Variants in ZNF600 observed in about 807,000 individuals in gnomAD.
The protein encoded by ZNF600 is zinc finger protein KR-ZNF1.
In ZNF600, 4 loss-of-function variants were observed where a neutral mutation model predicts 7.3. That is an observed-to-expected ratio of 0.55 (90% CI 0.27 to 1.25). The LOEUF (loss-of-function observed/expected upper bound fraction) is 1.25. Among genes scored for constraint, ZNF600 ranks in the 50% most tolerant of loss-of-function variants. The probability of loss-of-function intolerance (pLI) is 0.12; values close to 1 mark genes in which losing one functional copy is unlikely to be tolerated. For missense variants in ZNF600, 911 were observed against 922.1 expected (o/e 0.99, Z 0.16); for synonymous variants, 290 against 308.9 (o/e 0.94, Z 0.64).
the ZNF600 span, chr19:52,810,496 A>G: frequency 4.5e-5 from 71 of 1,586,006 alleles, 1 homozygote; most frequent in South Asian, 7.4e-4. Context: ...ATGAGTCCCT[A>G]TTTAGAGGAA....
intron 3 of ZNF600, among the ~76,000 whole-genome samples, chr19:52,771,406 C>T (rs1285807846): frequency 6.6e-6 from 1 of 151,866 alleles, no homozygotes; most frequent in Non-Finnish European, 1.5e-5. Context: ...CACGACTCTC[C>T]TACCTAAAGA....
chr19:52,799,166 G>A, the ZNF600 span: 1 of 409,098 alleles, frequency 2.4e-6, no homozygotes, highest in Non-Finnish European at 4.7e-6. Context: ...TAAAAACTAT[G>A]CCACATTCAT....
the ZNF600 span, chr19:52,810,216 G>T: frequency 1.8e-6 from 2 of 1,106,244 alleles, no homozygotes; most frequent in Admixed American, 3.4e-5. Context: ...GCTACAGAAC[G>T]ACGTAGAGAA....
At chr19:52,794,856 A>G in the ZNF600 span, among the ~76,000 whole-genome samples, 3 of 152,298 alleles carry the variant, frequency 2.0e-5, no homozygotes, top group African/African-American at 7.2e-5. Context: ...TCTTGTCTCA[A>G]AAAAGGAAGA....
chr19:52,767,282 T>A lies in ZNF600; in HGVS notation c.681A>T (p.Arg227Ser), dbSNP rs572975399. 5.6e-6 allele frequency: 9 copies of A among 1,614,218 alleles called. No individual in the cohort carries two copies. The South Asian group carries it at 9.9e-5, about 18-fold the overall frequency. ...TCTCATTACATTGGAAAGATTTTTC[T>A]CTCATGTATACTTCCTGTTTTTGTG... is the stretch of plus-strand genomic sequence containing the variant. Residue 227 changes from arginine to serine, a missense_variant, in exon 4 of 4, where the codon AGA (arginine) becomes AGT (serine). By Grantham distance (110) the Arg-to-Ser change is moderately radical. Coordinates refer to ENST00000648973, the Ensembl canonical transcript of ZNF600.
At chr19:52,802,387 C>CA in the ZNF600 span, among the ~76,000 whole-genome samples, 134,010 of 152,014 alleles carry the variant, frequency 0.88, 59,292 homozygotes, top group East Asian at 0.91. Context: ...AAAAAACAAA[C>CA]AACAAAAAAA....
the ZNF600 span, among the ~76,000 whole-genome samples, chr19:52,812,495 C>A: frequency 7.3e-5 from 9 of 123,490 alleles, no homozygotes; most frequent in Non-Finnish European, 1.5e-4. Flanking sequence ...GAAACATGTG[C>A]TGTGTCCACT....
rs982330178 is a variant in ZNF600, at chr19:52,767,815, T to C, written c.191-43A>G. 7 of 1,519,990 alleles carry C rather than the reference T, an allele frequency of 4.6e-6. No individual in the cohort carries two copies. The African/African-American group carries it at 9.8e-5, about 21-fold the overall frequency. The allele number at this position is 1,519,990 out of a possible 1,614,324, so 94.2% of individuals were successfully genotyped here. A position where few individuals can be genotyped will look rare whatever the true frequency, so the allele number is the denominator to read the frequency against. ...CAATAGGTTTCCAATTAAGTACAGA[T>C]GGTAAATCATACTGAAGTGTGTAAA... On this transcript the variant is annotated intron_variant, in intron 3 of 3. Coordinates refer to ENST00000648973, the Ensembl canonical transcript of ZNF600.
chr19:52,820,262 C>T, the ZNF600 span, among the ~76,000 whole-genome samples: 1 of 137,942 alleles, frequency 7.2e-6, no homozygotes, highest in Non-Finnish European at 1.5e-5. Flanking sequence ...GGACTACAGG[C>T]GCCCGCCACC....
intron 2 of ZNF600, among the ~76,000 whole-genome samples, chr19:52,776,366 G>A (rs1317023967): frequency 1.3e-5 from 2 of 151,910 alleles, no homozygotes; most frequent in Non-Finnish European, 2.9e-5. Flanking sequence ...CTACAAGGTC[G>A]CTGAATGGAC....
chr19:52,791,799 C>A (rs530556403), upstream of ZNF600, among the ~76,000 whole-genome samples: 1 of 152,346 alleles, frequency 6.6e-6, no homozygotes, highest in African/African-American at 2.4e-5. Context: ...GAGCCTCCCC[C>A]ACGAGGCAGC....
rs1396038065 is a variant in ZNF600, at chr19:52,766,224, G to C, written c.1739C>G (p.Ser580Ter). Reference sequence around the variant, plus strand: ...AACTCTGCGATGGCTTGCAAGGTATGACCTCAGACGGAAGGTCTTGCTGCA... The same window carrying C: ...AACTCTGCGATGGCTTGCAAGGTATCACCTCAGACGGAAGGTCTTGCTGCA... Residue 580 changes from serine to a stop codon, truncating the protein, a stop_gained, in exon 4 of 4, where the codon TCA (serine) becomes TGA (stop). Transcript: ENST00000648973. LOFTEE classifies it low-confidence loss of function (END_TRUNC). The C allele has an allele frequency of 6.2e-7, 1 of 1,613,688 alleles. No individual in the cohort carries two copies. The highest frequency in any genetic ancestry group is 1.3e-5 in the African/African-American group (1 of 75,034).
At chr19:52,787,055 C>T (rs943929366), upstream of ZNF600, among the ~76,000 whole-genome samples, 9 of 152,282 alleles carry the variant, frequency 5.9e-5, no homozygotes, top group Non-Finnish European at 1.3e-4. Flanking sequence ...CAGGGCGGAA[C>T]ATACGATTTC....
chr19:52,806,130 T>C, the ZNF600 span: 1 of 152,152 alleles, frequency 6.6e-6, no homozygotes, highest in Non-Finnish European at 1.5e-5. Flanking sequence ...TACACAGAAA[T>C]AATTCTGACA....
chr19:52,811,309 G>A, the ZNF600 span, among the ~76,000 whole-genome samples: 6 of 150,686 alleles, frequency 4.0e-5, no homozygotes, highest in Non-Finnish European at 7.4e-5. Flanking sequence ...CTGCCCGGCC[G>A]CCACCCCGTC....
At chr19:52,800,920 T>C in the ZNF600 span, 2 of 1,614,158 alleles carry the variant, frequency 1.2e-6, no homozygotes, top group East Asian at 2.2e-5. Context: ...GATTTGCGAC[T>C]GAAAACTTTG....
chr19:52,808,251 G>A, the ZNF600 span: 3 of 1,515,268 alleles, frequency 2.0e-6, no homozygotes, highest in Non-Finnish European at 2.6e-6. Context: ...ACAAATCCGA[G>A]TGACGGATTT....
At chr19:52,823,517 G>A in the ZNF600 span, among the ~76,000 whole-genome samples, 1 of 152,176 alleles carries the variant, frequency 6.6e-6, no homozygotes, top group Admixed American at 6.5e-5. Flanking sequence ...CACCTGGCCA[G>A]TAAAACTCTT....
chr19:52,808,232 A>T, the ZNF600 span: 4 of 1,549,364 alleles, frequency 2.6e-6, no homozygotes, highest in Non-Finnish European at 3.5e-6. Context: ...AGTTGTAGTG[A>T]ATGTTCTCAC....
Sources: gnomAD v4.1 joint callset for allele counts (sites outside exome capture counted in the v4.1 genomes callset) on GRCh38, gnomAD v4.1.1 for gene constraint, MANE v1.5 for transcripts, NCBI Gene and HGNC (gene_info 2026-07-23, HGNC 2026-07-21) for gene names.